The following ADCK1 variants were observed in gnomAD, a reference collection of about 807,000 sequenced individuals.
The protein encoded by ADCK1 is aarF domain-containing protein kinase 1.
A neutral mutation model predicts 52.3 loss-of-function variants in ADCK1; 41 were observed. That is an observed-to-expected ratio of 0.78 (90% CI 0.61 to 1.02). The LOEUF is 1.02. Ranked by LOEUF, ADCK1 falls within the 50% of genes least tolerant of loss-of-function variation. The pLI, the probability that ADCK1 is intolerant of heterozygous loss-of-function variation, is 0.00. For synonymous variants in ADCK1, 250 were observed against 274.6 expected (o/e 0.91, Z 0.89); for missense variants, 658 against 679.5 (o/e 0.97, Z 0.35).
chr14:77,854,459 G>T (rs562884967), intron 3 of ADCK1, among the ~76,000 whole-genome samples: 1 of 152,102 alleles, frequency 6.6e-6, no homozygotes, highest in African/African-American at 2.4e-5. Flanking sequence ...ATATTTTCTG[G>T]TGCTTTGACA....
chr14:77,857,809 C>T (rs1451966677), intron 3 of ADCK1, among the ~76,000 whole-genome samples: 3 of 152,154 alleles, frequency 2.0e-5, no homozygotes, highest in South Asian at 4.1e-4. Flanking sequence ...AGTATAAGTC[C>T]ATCCTCGTGG....
At position 77,825,640 on chromosome 14, in the gene ADCK1, G is replaced by GTTTT. The variant is rs11311915; in HGVS notation, c.219+3136_219+3139dup. Among the ~76,000 whole-genome samples the GTTTT allele has an allele frequency of 6.6e-5, 9 of 137,390 alleles. 1 individual carries two copies. The highest frequency in any genetic ancestry group is 1.1e-4 in the Non-Finnish European group (7 of 63,738). The allele number at this position is 137,390 out of a possible 152,430, so 90.1% of individuals were successfully genotyped here. On this transcript the variant is annotated intron_variant, in intron 3 of 10. Transcript: ENST00000238561. ...AACGAACGAGTGAATGAAATGTTAG[G>GTTTT]TTTTTTTTTTTTTTTTTGAGACGGA...
chr14:77,839,659 G>C (rs1414744509), intron 3 of ADCK1, among the ~76,000 whole-genome samples: 1 of 152,064 alleles, frequency 6.6e-6, no homozygotes, highest in African/African-American at 2.4e-5. Flanking sequence ...GATGGGGCCC[G>C]ATGTGGTGGC....
intron 1 of ADCK1, among the ~76,000 whole-genome samples, chr14:77,816,458 G>A (rs1017076431): frequency 2.4e-4 from 36 of 152,078 alleles, no homozygotes; most frequent in African/African-American, 8.2e-4. Flanking sequence ...AGTAGGTTCT[G>A]CCCTATACAC....
intron 1 of ADCK1, among the ~76,000 whole-genome samples, chr14:77,807,215 C>A (rs1160406955): frequency 6.7e-6 from 1 of 149,756 alleles, no homozygotes; most frequent in Non-Finnish European, 1.5e-5. Context: ...ACTACAGGCG[C>A]CCGCCACCAC....
At chr14:77,917,697 C>G (rs2083957163) in intron 7 of ADCK1, among the ~76,000 whole-genome samples, 1 of 152,076 alleles carries the variant, frequency 6.6e-6, no homozygotes, top group Non-Finnish European at 1.5e-5. Context: ...TTATGTGGAA[C>G]AATTAAAAGA....
intron 7 of ADCK1, among the ~76,000 whole-genome samples, chr14:77,910,785 TGGAGCTGGGCAGTA>T (rs911886794): frequency 1.3e-5 from 2 of 152,230 alleles, no homozygotes; most frequent in Non-Finnish European, 2.9e-5. Context: ...GCAGCTAGGC[TGGAGCTGGGCAGTA>T]GGAGCTGGGC....
At chr14:77,925,005 C>A (rs1262567419) in intron 8 of ADCK1, among the ~76,000 whole-genome samples, 1 of 152,144 alleles carries the variant, frequency 6.6e-6, no homozygotes, top group East Asian at 1.9e-4. Context: ...GGAAAGGGGG[C>A]AGGCAGCCAG....
At chr14:77,925,195 G>A (rs1326716733) in intron 8 of ADCK1, among the ~76,000 whole-genome samples, 2 of 152,234 alleles carry the variant, frequency 1.3e-5, no homozygotes, top group African/African-American at 2.4e-5. Context: ...AAGGCTTAAC[G>A]AAGTAGAATG....
At chr14:77,926,013 A>G in intron 9 of ADCK1, 52 bp downstream of exon 9, 5 of 1,606,822 alleles carry the variant, frequency 3.1e-6, no homozygotes, top group Non-Finnish European at 4.3e-6. Flanking sequence ...AGGCAGGGCT[A>G]GAGGTGGCCT....
At chr14:77,872,656 C>T (rs539243021) in intron 4 of ADCK1, among the ~76,000 whole-genome samples, 1 of 149,248 alleles carries the variant, frequency 6.7e-6, no homozygotes, top group Non-Finnish European at 1.5e-5. Flanking sequence ...TGTGCCGCCC[C>T]CAGGTCCCCT....
chr14:77,832,046 C>T (rs1032972214), intron 3 of ADCK1, among the ~76,000 whole-genome samples: 3 of 151,454 alleles, frequency 2.0e-5, no homozygotes, highest in African/African-American at 2.4e-5. Context: ...GGCATGATCT[C>T]GGCTTACTGC....
chr14:77,816,881 A>AAAATATATATATATATATATAT (rs150077207), intron 1 of ADCK1, among the ~76,000 whole-genome samples: 23 of 110,008 alleles, frequency 2.1e-4, no homozygotes, highest in African/African-American at 6.1e-4. Context: ...GTAGATGGTA[A>AAAATATATATATATATATATAT]ATATATATAT....
chr14:77,825,736 G>A (rs112000668), intron 3 of ADCK1, among the ~76,000 whole-genome samples: 1 of 151,276 alleles, frequency 6.6e-6, no homozygotes, highest in South Asian at 2.1e-4. Context: ...CCGCCTCCCG[G>A]GTTCAAGTGA....
At chr14:77,902,212 G>A (rs945870418) in intron 6 of ADCK1, among the ~76,000 whole-genome samples, 6 of 152,202 alleles carry the variant, frequency 3.9e-5, no homozygotes, top group East Asian at 1.9e-4. Flanking sequence ...AGGAAGAACC[G>A]CAGCTGTGTT....
chr14:77,829,126 T>C (rs942756473), intron 3 of ADCK1, among the ~76,000 whole-genome samples: 1 of 151,148 alleles, frequency 6.6e-6, no homozygotes, highest in Non-Finnish European at 1.5e-5. Context: ...CCCTGGTTCC[T>C]GTTACTGGAG....
chr14:77,846,231 C>G (rs1323445022), intron 3 of ADCK1, among the ~76,000 whole-genome samples: 1 of 152,210 alleles, frequency 6.6e-6, no homozygotes, highest in Non-Finnish European at 1.5e-5. Flanking sequence ...GACTGGACTT[C>G]AATAGCCAGC....
At chr14:77,823,650 G>A (rs1200113982) in intron 3 of ADCK1, among the ~76,000 whole-genome samples, 5 of 151,398 alleles carry the variant, frequency 3.3e-5, no homozygotes, top group African/African-American at 1.2e-4. Flanking sequence ...TCGGCTCATT[G>A]CAACCTCCGT....
rs2081611658 is a variant in ADCK1, at chr14:77,822,840, GTCA to G, written c.219+326_219+328del. 2.6e-5 allele frequency among the ~76,000 whole-genome samples: 4 copies of G among 152,156 alleles called. 1 individual carries two copies. The South Asian group carries it at 8.3e-4, about 32-fold the overall frequency. ...TGCTTCTGAGGGGTGCTGTCAGACTGTCATCAAGCTGGATGCCATGGTACTGAG... is the reference window on the plus strand; with the variant it reads ...TGCTTCTGAGGGGTGCTGTCAGACTGTCAAGCTGGATGCCATGGTACTGAG... On this transcript the variant is annotated intron_variant, in intron 3 of 10. Coordinates refer to ENST00000238561, the MANE Select transcript of ADCK1 (RefSeq NM_020421.4).
Sources: gnomAD v4.1 joint callset for allele counts (sites outside exome capture counted in the v4.1 genomes callset) on GRCh38, gnomAD v4.1.1 for gene constraint, MANE v1.5 for transcripts, NCBI Gene and HGNC (gene_info 2026-07-23, HGNC 2026-07-21) for gene names.